The following PTPRS variants were observed in gnomAD, a reference collection of about 807,000 sequenced individuals.
PTPRS encodes receptor-type tyrosine-protein phosphatase S.
A neutral mutation model predicts 215.3 loss-of-function variants in PTPRS; 63 were observed. The observed-to-expected ratio is 0.29, with a 90% CI of 0.24 to 0.36. The LOEUF (loss-of-function observed/expected upper bound fraction) is 0.36. PTPRS is among the 10% of genes least tolerant of loss of function. The pLI is 1.00. For missense variants in PTPRS, 2,258 were observed against 2,825.8 expected, an observed-to-expected ratio of 0.80 and a Z score of 4.56; for synonymous variants, 1,404 against 1,191.4, an observed-to-expected ratio of 1.18 and a Z score of -3.68.
intron 1 of PTPRS, among the ~76,000 whole-genome samples, chr19:5,304,292 C>G (rs1279231607): frequency 6.6e-6 from 1 of 151,844 alleles, no homozygotes; most frequent in African/African-American, 2.4e-5. Flanking sequence ...GGTGAAACCT[C>G]CATCTCTACT....
chr19:5,206,683 G>C lies in PTPRS; in HGVS notation c.*91C>G. On this transcript the variant is annotated 3_prime_UTR_variant, in exon 38 of 38. Coordinates refer to ENST00000262963, the MANE Select transcript of PTPRS (RefSeq NM_002850.4). ...TGCTGCCGCTGCCACCTCCTGCCCT[G>C]CCCACTGGGGGTCCAGGCCTCAGGA... 2 of 1,143,878 alleles carry C rather than the reference G, an allele frequency of 1.7e-6. No individual in the cohort carries two copies. The highest frequency in any genetic ancestry group is 2.6e-6 in the Non-Finnish European group (2 of 764,662). The allele number at this position is 1,143,878 out of a possible 1,614,324, so 70.9% of individuals were successfully genotyped here.
At position 5,210,938 on chromosome 19, in the gene PTPRS, C is replaced by T; in HGVS notation, c.5235-133G>A. ...CCACCCCACTGCCTGCCAGGAATGG[C>T]TGCTGGGTGCACCACTTCCCCTCCT... On this transcript the variant is annotated intron_variant, in intron 33 of 37. Coordinates refer to ENST00000262963, the MANE Select transcript of PTPRS (RefSeq NM_002850.4). The surrounding 1 kb of genome is among the most constrained non-coding windows in gnomAD (Gnocchi z 4.5). 4.0e-6 allele frequency: 5 copies of T among 1,245,460 alleles called. No individual in the cohort carries two copies. In the South Asian group the frequency reaches 6.1e-5, roughly 15 times the overall value. The allele number at this position is 1,245,460 out of a possible 1,614,324, so 77.2% of individuals were successfully genotyped here.
intron 4 of PTPRS, among the ~76,000 whole-genome samples, chr19:5,271,991 G>A (rs2046950005): frequency 6.6e-6 from 1 of 152,130 alleles, no homozygotes; most frequent in South Asian, 2.1e-4. Flanking sequence ...CTCCCAAAGT[G>A]CTGGGATTAC....
intron 5 of PTPRS, among the ~76,000 whole-genome samples, chr19:5,263,302 TC>T (rs2146344554): frequency 6.6e-6 from 1 of 152,068 alleles, no homozygotes; most frequent in East Asian, 1.9e-4. Context: ...AGGCGATTTG[TC>T]CCCCCAGTGT....
rs1487073911 is a variant in PTPRS at position 5,287,285 on chromosome 19, T to C, written c.-94-1051A>G. 6.6e-6 allele frequency among the ~76,000 whole-genome samples: 1 copy of C among 152,162 alleles called. No individual in the cohort carries two copies. Among genetic ancestry groups the C allele is most frequent in the Non-Finnish European group, 1.5e-5 (1 of 68,026 alleles). On this transcript the variant is annotated intron_variant, in intron 1 of 37. Transcript: ENST00000262963. This position sits in a 1 kb window ranked among gnomAD's most constrained non-coding sequence, Gnocchi z 4.8. ...TCAAAGGTCAATTCCCCCTACATTC[T>C]ACATCCCGGAGCATCAGATATGACT...
chr19:5,249,408 T>C (rs763462629), intron 9 of PTPRS, among the ~76,000 whole-genome samples: 3 of 152,206 alleles, frequency 2.0e-5, no homozygotes, highest in Admixed American at 6.5e-5. Flanking sequence ...TCTAACAATT[T>C]TGAGAGGCAA....
chr19:5,324,126 G>A (rs1283253058), intron 1 of PTPRS, among the ~76,000 whole-genome samples: 3 of 151,354 alleles, frequency 2.0e-5, no homozygotes, highest in Non-Finnish European at 4.4e-5. Context: ...CTACTCGGGA[G>A]GCTGAGGCAG....
intron 1 of PTPRS, among the ~76,000 whole-genome samples, chr19:5,305,991 G>C (rs2049480303): frequency 7.2e-6 from 1 of 139,600 alleles, no homozygotes; most frequent in African/African-American, 2.7e-5. Context: ...CTCATGCCTG[G>C]AACAGAGAGA....
intron 1 of PTPRS, among the ~76,000 whole-genome samples, chr19:5,308,781 C>G (rs1474107109): frequency 6.6e-6 from 1 of 152,230 alleles, no homozygotes; most frequent in Admixed American, 6.5e-5. Context: ...CGCCTGTCAG[C>G]CAGGCTATGG....
chr19:5,237,335 T>C lies in PTPRS; in HGVS notation c.1849+1584A>G, dbSNP rs1165159685. Among the ~76,000 whole-genome samples, 1 of 152,098 alleles carries C rather than the reference T, an allele frequency of 6.6e-6. No individual in the cohort carries two copies. The highest frequency in any genetic ancestry group is 1.5e-5 in the Non-Finnish European group (1 of 68,010). On this transcript the variant is annotated intron_variant, in intron 13 of 37. Transcript: ENST00000262963. This position sits in a 1 kb window ranked among gnomAD's most constrained non-coding sequence, Gnocchi z 4.2. ...CTGGCCCTGAGTCTTTGCTGTCGGT[T>C]CTCCTGGGCCCCACCCGTCTCGGGG...
chr19:5,329,679 G>C (rs1304152043), intron 1 of PTPRS, among the ~76,000 whole-genome samples: 1 of 151,924 alleles, frequency 6.6e-6, no homozygotes, highest in African/African-American at 2.4e-5. Context: ...GCAGGAGAAT[G>C]GCGTGAACCC....
chr19:5,216,681 G>C, intron 26 of PTPRS, 39 bp downstream of exon 26: 1 of 1,467,640 alleles, frequency 6.8e-7, no homozygotes. Context: ...GAACGGGGGC[G>C]GGGGCGAAAG....
At chr19:5,291,590 C>T (rs2048822873) in intron 1 of PTPRS, among the ~76,000 whole-genome samples, 1 of 152,094 alleles carries the variant, frequency 6.6e-6, no homozygotes, top group Non-Finnish European at 1.5e-5. Context: ...CATCGTCTTC[C>T]CTACCCCCTC....
rs78385175 is a variant in PTPRS at position 5,237,530 on chromosome 19, C to T, written c.1849+1389G>A. ...GGATGTGTGCAAAGACGTGGATGTG[C>T]GTGCGTGGGCAGCGTGGCATGGTGG... On this transcript the variant is annotated intron_variant, in intron 13 of 37. Transcript: ENST00000262963. This position sits in a 1 kb window ranked among gnomAD's most constrained non-coding sequence, Gnocchi z 4.2. Among the ~76,000 whole-genome samples, 7 of 152,292 alleles carry T rather than the reference C, an allele frequency of 4.6e-5. No individual in the cohort carries two copies. The East Asian group carries it at 9.7e-4, about 21-fold the overall frequency.
intron 1 of PTPRS, among the ~76,000 whole-genome samples, chr19:5,302,359 T>C (rs1309100187): frequency 6.6e-6 from 1 of 152,078 alleles, no homozygotes; most frequent in Non-Finnish European, 1.5e-5. Context: ...AGGGAGGCCC[T>C]GTCTAGAAAC....
chr19:5,290,419 G>T (rs910034249), intron 1 of PTPRS, among the ~76,000 whole-genome samples: 7 of 152,208 alleles, frequency 4.6e-5, no homozygotes, highest in African/African-American at 1.7e-4. Flanking sequence ...GGGCTCCCCC[G>T]CGGTGCTAAT....
chr19:5,337,076 C>T (rs982749802), intron 1 of PTPRS, among the ~76,000 whole-genome samples: 4 of 152,264 alleles, frequency 2.6e-5, no homozygotes, highest in East Asian at 1.9e-4. Flanking sequence ...GTCAGCACTG[C>T]GCCCGCCAAA....
rs61749998 is a variant in PTPRS, at chr19:5,286,108, A to T, written c.33T>A (p.Ser11=). 9,721 of 1,614,146 alleles carry T rather than the reference A, an allele frequency of 6.0e-3. 45 individuals are homozygous for T. Among genetic ancestry groups the T allele is most frequent in the Non-Finnish European group, 6.8e-3 (8,042 of 1,179,998 alleles). Residue 11 remains serine, a synonymous_variant, in exon 2 of 38, where the codon TCT becomes TCA. Transcript: ENST00000262963. MAPTWGPGMV[S]VVGPMGLLVV... is the part of the protein sequence containing the mutation. ...CAAGGAGGCCCATGGGACCAACCAC[A>T]GACACCATGCCAGGGCCCCAGGTGG...
rs576916558 is a variant in PTPRS, at chr19:5,237,809, C to T, written c.1849+1110G>A. Among the ~76,000 whole-genome samples the T allele has an allele frequency of 4.0e-5, 6 of 151,432 alleles. No individual in the cohort carries two copies. The highest frequency in any genetic ancestry group is 9.7e-5 in the African/African-American group (4 of 41,200). On this transcript the variant is annotated intron_variant, in intron 13 of 37. Coordinates refer to ENST00000262963, the MANE Select transcript of PTPRS (RefSeq NM_002850.4). The surrounding 1 kb of genome is among the most constrained non-coding windows in gnomAD (Gnocchi z 4.2). ...CCTTGGAGCCGCCAGGTGCTCAGCT[C>T]GGCTTGGTTTGTGGGGAGCAGGAAG... is the stretch of plus-strand genomic sequence containing the variant.
Sources: gnomAD v4.1 joint callset for allele counts (sites outside exome capture counted in the v4.1 genomes callset) on GRCh38, gnomAD v4.1.1 for gene constraint, Gnocchi (gnomAD v3.1) non-coding constraint, MANE v1.5 for transcripts, NCBI Gene and HGNC (gene_info 2026-07-23, HGNC 2026-07-21) for gene names.